PPP3CA: variants seen among roughly 807,000 people sequenced by gnomAD.
The protein encoded by PPP3CA is CAM-PRP catalytic subunit.
Under a neutral mutation model 66.5 loss-of-function variants are expected in PPP3CA, and 14 were observed. The ratio of observed to expected loss-of-function variants is 0.21; its 90% CI spans 0.14 to 0.33. The LOEUF (loss-of-function observed/expected upper bound fraction) is 0.33, where lower values mean the gene tolerates loss of function less well. Among genes scored for constraint, PPP3CA ranks in the 10% least tolerant of loss-of-function variants. PPP3CA has a pLI of 1.00. For missense variants in PPP3CA, 317 were observed against 639.5 expected, an observed-to-expected ratio of 0.50 and a Z score of 5.44; for synonymous variants, 232 against 226.2, an observed-to-expected ratio of 1.03 and a Z score of -0.23.
chr4:101,125,032 G>A (rs1005031705), intron 2 of PPP3CA, among the ~76,000 whole-genome samples: 1 of 152,092 alleles, frequency 6.6e-6, no homozygotes, highest in African/African-American at 2.4e-5. Context: ...AAAGAGTTTC[G>A]AGGTATCTTA....
chr4:101,209,955 C>CA (rs1229669653), intron 1 of PPP3CA, among the ~76,000 whole-genome samples: 1 of 151,884 alleles, frequency 6.6e-6, no homozygotes, highest in Non-Finnish European at 1.5e-5. Flanking sequence ...CTAGTTATTA[C>CA]AAAAAAGGAA....
At chr4:101,271,075 A>G (rs530654377) in intron 1 of PPP3CA, among the ~76,000 whole-genome samples, 26 of 152,094 alleles carry the variant, frequency 1.7e-4, no homozygotes, top group South Asian at 1.7e-3. Context: ...CTCCTCCTCA[A>G]GGTCTTTCAG....
At chr4:101,313,739 G>A (rs913437972) in intron 1 of PPP3CA, among the ~76,000 whole-genome samples, 5 of 152,112 alleles carry the variant, frequency 3.3e-5, no homozygotes, top group African/African-American at 1.2e-4. Flanking sequence ...CTAAAAGAAG[G>A]CATGATTTAT....
intron 2 of PPP3CA, among the ~76,000 whole-genome samples, chr4:101,186,675 A>G (rs1724419439): frequency 6.6e-6 from 1 of 152,160 alleles, no homozygotes; most frequent in Non-Finnish European, 1.5e-5. Context: ...CTCATTTGGA[A>G]TTTAGAAAAG....
chr4:101,051,384 A>G (rs986175801), intron 10 of PPP3CA, among the ~76,000 whole-genome samples: 1 of 152,164 alleles, frequency 6.6e-6, no homozygotes, highest in African/African-American at 2.4e-5. Flanking sequence ...CAGTTGTTCC[A>G]TCAGTTATCA....
intron 8 of PPP3CA, among the ~76,000 whole-genome samples, chr4:101,078,888 T>A (rs1218733658): frequency 6.6e-6 from 1 of 152,178 alleles, no homozygotes; most frequent in Non-Finnish European, 1.5e-5. Context: ...ATGTTTTATT[T>A]TATTTTGCAT....
intron 1 of PPP3CA, among the ~76,000 whole-genome samples, chr4:101,225,271 A>G (rs1429360271): frequency 3.3e-5 from 5 of 151,726 alleles, no homozygotes; most frequent in African/African-American, 1.2e-4. Flanking sequence ...AGATATTTTT[A>G]TTAAATATGC....
chr4:101,145,580 C>T (rs1217626986), intron 2 of PPP3CA, among the ~76,000 whole-genome samples: 1 of 152,024 alleles, frequency 6.6e-6, no homozygotes. Flanking sequence ...AAAATTAAAA[C>T]ATTTAAACTC....
At chr4:101,113,484 T>C (rs1289964835) in intron 2 of PPP3CA, among the ~76,000 whole-genome samples, 1 of 152,044 alleles carries the variant, frequency 6.6e-6, no homozygotes, top group Non-Finnish European at 1.5e-5. Context: ...ACTTCACTAT[T>C]ATATGAAAGA....
intron 1 of PPP3CA, among the ~76,000 whole-genome samples, chr4:101,201,190 C>T (rs534349739): frequency 6.6e-6 from 1 of 152,186 alleles, no homozygotes. Context: ...TTTAAAATTG[C>T]TTATCTAGCT....
chr4:101,094,882 T>C (rs1356439335), intron 5 of PPP3CA, among the ~76,000 whole-genome samples: 1 of 152,156 alleles, frequency 6.6e-6, no homozygotes, highest in Non-Finnish European at 1.5e-5. Flanking sequence ...GCAATAGCTT[T>C]GAAAATCTAT....
chr4:101,344,144 A>C (rs1352504739), intron 1 of PPP3CA, among the ~76,000 whole-genome samples: 2 of 152,164 alleles, frequency 1.3e-5, no homozygotes, highest in Non-Finnish European at 2.9e-5. Flanking sequence ...GTTCTAACAA[A>C]ATTTCAAGTA....
At chr4:101,036,157 T>A (rs1162714630) in intron 11 of PPP3CA, among the ~76,000 whole-genome samples, 1 of 152,192 alleles carries the variant, frequency 6.6e-6, no homozygotes, top group East Asian at 1.9e-4. Context: ...GTGATAAAAT[T>A]TTGGAGACTT....
chr4:101,026,789 G>A (rs188053635), intron 13 of PPP3CA, among the ~76,000 whole-genome samples: 1 of 152,252 alleles, frequency 6.6e-6, no homozygotes, highest in Admixed American at 6.5e-5. Flanking sequence ...CCCTTCAGCA[G>A]TGAACAGGTC....
At chr4:101,263,733 T>A (rs1352416454) in intron 1 of PPP3CA, among the ~76,000 whole-genome samples, 1 of 152,084 alleles carries the variant, frequency 6.6e-6, no homozygotes, top group African/African-American at 2.4e-5. Context: ...GTCTATTGAT[T>A]AAATTGTCAG....
chr4:101,024,477 T>C lies in PPP3CA; in HGVS notation c.*1388A>G, dbSNP rs1726534255. On this transcript the variant is annotated 3_prime_UTR_variant, in exon 14 of 14. Transcript: ENST00000394854. ...GTGAATTACTTGGGCACTTATACAA[T>C]TGTTAAAAAATATGAATGGACTTTT... 6.6e-6 allele frequency: 1 copy of C among 152,654 alleles called. No individual in the cohort carries two copies. The highest frequency in any genetic ancestry group is 1.5e-5 in the Non-Finnish European group (1 of 68,032). The allele number at this position is 152,654 out of a possible 1,614,324, so 9.5% of individuals were successfully genotyped here.
intron 3 of PPP3CA, among the ~76,000 whole-genome samples, chr4:101,106,450 AAAG>A (rs751759518): frequency 2.7e-4 from 3 of 11,122 alleles, no homozygotes; most frequent in African/African-American, 1.2e-3. Context: ...AGAAAGAAAG[AAAG>A]AGAAAAGAAA....
intron 1 of PPP3CA, among the ~76,000 whole-genome samples, chr4:101,331,067 C>T (rs1358712901): frequency 6.6e-6 from 1 of 152,132 alleles, no homozygotes; most frequent in African/African-American, 2.4e-5. Context: ...AAATGATTTC[C>T]AGGAGCAATG....
At chr4:101,124,725 GAGAAAGAAAGAAAGAA>G (rs756619477) in intron 2 of PPP3CA, among the ~76,000 whole-genome samples, 781 of 58,502 alleles carry the variant, frequency 0.013, 20 homozygotes, top group East Asian at 0.024. Flanking sequence ...AAGAAAGAAA[GAGAAAGAAAGAAAGAA>G]AGAAAGAAAG....
Sources: allele counts gnomAD v4.1 joint callset (sites outside exome capture counted in the v4.1 genomes callset), GRCh38; gene constraint gnomAD v4.1.1; transcripts MANE v1.5; gene names NCBI Gene and HGNC (gene_info 2026-07-23, HGNC 2026-07-21).